Variants in DACH1 observed in about 807,000 individuals in gnomAD.
The protein encoded by DACH1 is dachshund homolog 1.
A neutral mutation model predicts 54.2 loss-of-function variants in DACH1; 12 were observed. That is an observed-to-expected ratio of 0.22 (90% CI 0.14 to 0.36). The LOEUF (loss-of-function observed/expected upper bound fraction) is 0.36. Among genes scored for constraint, DACH1 ranks in the 10% least tolerant of loss-of-function variants. DACH1 has a pLI of 1.00. For synonymous variants in DACH1, 386 were observed against 366.2 expected (o/e 1.05, Z -0.62); for missense variants, 805 against 929.8 (o/e 0.87, Z 1.75).
In DACH1 at chr13:71,555,405, G is replaced by A. The variant is rs997653482; in HGVS notation, c.1570+1619C>T. Among the ~76,000 whole-genome samples, 153 of 151,382 alleles carry A rather than the reference G, an allele frequency of 1.0e-3. 1 individual carries two copies. The highest frequency in any genetic ancestry group is 1.2e-3 in the African/African-American group (48 of 41,256). On this transcript the variant is annotated intron_variant, in intron 6 of 10. Transcript: ENST00000613252. Reference sequence around the variant, plus strand: ...GTCACCCGGGCTGCAGTGCAGTGGCGCGATCTCGGCTTACTGCAACCTCTG... The same window carrying A: ...GTCACCCGGGCTGCAGTGCAGTGGCACGATCTCGGCTTACTGCAACCTCTG...
At chr13:71,761,602 A>C (rs757561106) in intron 1 of DACH1, among the ~76,000 whole-genome samples, 1 of 152,126 alleles carries the variant, frequency 6.6e-6, no homozygotes, top group Non-Finnish European at 1.5e-5. Flanking sequence ...CTTCTCAAAC[A>C]TCAATGTGCG....
chr13:71,827,858 G>T (rs1046972711), intron 1 of DACH1, among the ~76,000 whole-genome samples: 3 of 151,964 alleles, frequency 2.0e-5, no homozygotes, highest in Non-Finnish European at 4.4e-5. Flanking sequence ...TAAGGCAAGC[G>T]CCTGGGCTCC....
intron 6 of DACH1, among the ~76,000 whole-genome samples, chr13:71,507,412 C>G (rs1047391002): frequency 2.0e-5 from 3 of 152,052 alleles, no homozygotes; most frequent in Non-Finnish European, 4.4e-5. Context: ...TTGTTATTTC[C>G]TTCACTAACA....
chr13:71,723,573 G>A (rs1297884686), intron 1 of DACH1, among the ~76,000 whole-genome samples: 1 of 152,042 alleles, frequency 6.6e-6, no homozygotes. Flanking sequence ...TGCATTTGAC[G>A]CAATAAAATC....
chr13:71,606,367 A>C (rs1389735659), intron 3 of DACH1, among the ~76,000 whole-genome samples: 2 of 152,082 alleles, frequency 1.3e-5, no homozygotes, highest in East Asian at 3.8e-4. Flanking sequence ...TTATGAAAAA[A>C]TATTAGTAGA....
At chr13:71,853,164 G>C (rs1045023760) in intron 1 of DACH1, among the ~76,000 whole-genome samples, 21 of 152,208 alleles carry the variant, frequency 1.4e-4, no homozygotes, top group African/African-American at 5.1e-4. Context: ...GACCACATTA[G>C]ACATTGCTAA....
At chr13:71,742,019 G>A (rs1230632241) in intron 1 of DACH1, among the ~76,000 whole-genome samples, 1 of 152,132 alleles carries the variant, frequency 6.6e-6, no homozygotes, top group East Asian at 1.9e-4. Context: ...TGCAGGGGGA[G>A]GTAATTGAAT....
At position 71,495,698 on chromosome 13, in the gene DACH1, T is replaced by C. The variant is rs527332762; in HGVS notation, c.1571-6550A>G. ...GGGTGTAAAGGAAAGGGAATATTTA[T>C]ACATTATGGTGAGAATGTAAATTAG... On this transcript the variant is annotated intron_variant, in intron 6 of 10. Transcript: ENST00000613252. Among the ~76,000 whole-genome samples the C allele has an allele frequency of 7.2e-5, 11 of 152,288 alleles. No individual in the cohort carries two copies. The East Asian group carries it at 1.7e-3, about 24-fold the overall frequency.
At chr13:71,452,996 T>A (rs557392384) in intron 10 of DACH1, among the ~76,000 whole-genome samples, 13 of 152,250 alleles carry the variant, frequency 8.5e-5, no homozygotes, top group Admixed American at 2.6e-4. Flanking sequence ...AAGAAAAAAA[T>A]TTATACTGCT....
intron 7 of DACH1, among the ~76,000 whole-genome samples, chr13:71,486,330 C>A (rs781404382): frequency 1.6e-4 from 24 of 151,918 alleles, no homozygotes; most frequent in Admixed American, 2.6e-4. Context: ...AAGCACAGAA[C>A]CCTATTATAT....
chr13:71,593,970 T>C (rs1462145249), intron 3 of DACH1, among the ~76,000 whole-genome samples: 1 of 151,444 alleles, frequency 6.6e-6, no homozygotes, highest in African/African-American at 2.4e-5. Flanking sequence ...AGGTTAACAA[T>C]ATAATTTCCA....
intron 1 of DACH1, among the ~76,000 whole-genome samples, chr13:71,711,900 T>G (rs917654511): frequency 6.6e-6 from 1 of 152,148 alleles, no homozygotes; most frequent in Admixed American, 6.5e-5. Flanking sequence ...ATCTAGATCA[T>G]GAGAAAGTTC....
At chr13:71,453,337 A>G (rs1455976253) in intron 10 of DACH1, among the ~76,000 whole-genome samples, 1 of 152,218 alleles carries the variant, frequency 6.6e-6, no homozygotes, top group Non-Finnish European at 1.5e-5. Context: ...ATTAAAACAC[A>G]GCATAGAAGA....
At chr13:71,807,085 G>T (rs2138140636) in intron 1 of DACH1, among the ~76,000 whole-genome samples, 1 of 152,236 alleles carries the variant, frequency 6.6e-6, no homozygotes, top group African/African-American at 2.4e-5. Flanking sequence ...GGAACTTCTG[G>T]CACTTTGCAG....
chr13:71,657,951 C>T (rs1193210218), intron 2 of DACH1, among the ~76,000 whole-genome samples: 6 of 151,832 alleles, frequency 4.0e-5, no homozygotes, highest in African/African-American at 1.4e-4. Context: ...TAATTCAACA[C>T]AAAATAAAAA....
At chr13:71,782,451 A>G (rs757979253) in intron 1 of DACH1, among the ~76,000 whole-genome samples, 1 of 152,128 alleles carries the variant, frequency 6.6e-6, no homozygotes, top group Non-Finnish European at 1.5e-5. Flanking sequence ...ATAAATAAAT[A>G]AATAAACAAA....
intron 1 of DACH1, among the ~76,000 whole-genome samples, chr13:71,839,323 G>T (rs1319436639): frequency 6.6e-6 from 1 of 152,142 alleles, no homozygotes; most frequent in Admixed American, 6.5e-5. Context: ...ATTATTTTAC[G>T]GTTAAAACTC....
At chr13:71,657,399 G>A (rs1446103268) in intron 2 of DACH1, among the ~76,000 whole-genome samples, 1 of 151,846 alleles carries the variant, frequency 6.6e-6, no homozygotes, top group African/African-American at 2.4e-5. Flanking sequence ...GGCTGAGATG[G>A]GAGGATTGCT....
chr13:71,860,895 C>T (rs529050884), intron 1 of DACH1, among the ~76,000 whole-genome samples: 6 of 152,040 alleles, frequency 3.9e-5, no homozygotes, highest in Admixed American at 6.5e-5. Flanking sequence ...GCTACTTATA[C>T]TCTAAAAACA....
Sources: allele counts gnomAD v4.1 joint callset (sites outside exome capture counted in the v4.1 genomes callset), GRCh38; gene constraint gnomAD v4.1.1; transcripts MANE v1.5; gene names NCBI Gene and HGNC (gene_info 2026-07-23, HGNC 2026-07-21).